Variants in TECPR2 observed in about 807,000 individuals in gnomAD.
The protein encoded by TECPR2 is tectonin beta-propeller repeat-containing protein 2.
In TECPR2, 65 loss-of-function variants were observed where a neutral mutation model predicts 138.1. The observed-to-expected ratio is 0.47, with a 90% CI of 0.39 to 0.58. The LOEUF (loss-of-function observed/expected upper bound fraction) is 0.58. TECPR2 is among the 20% of genes least tolerant of loss of function. The probability of loss-of-function intolerance (pLI) is 0.00; values close to 1 mark genes in which losing one functional copy is unlikely to be tolerated. For synonymous variants in TECPR2, 746 were observed against 749.8 expected, an observed-to-expected ratio of 0.99 and a Z score of 0.08; for missense variants, 1,553 against 1,824.5, an observed-to-expected ratio of 0.85 and a Z score of 2.71.
chr14:102,451,908 ACCCCCCGGCCC>A (rs1890153186), intron 15 of TECPR2, among the ~76,000 whole-genome samples: 1 of 150,650 alleles, frequency 6.6e-6, no homozygotes, highest in African/African-American at 2.4e-5. Flanking sequence ...CAGCTGCCCC[ACCCCCCGGCCC>A]CATCCCCAGA....
intron 2 of TECPR2, among the ~76,000 whole-genome samples, chr14:102,385,740 C>G (rs1297698043): frequency 1.3e-5 from 2 of 151,712 alleles, no homozygotes; most frequent in Middle Eastern, 3.2e-3. Flanking sequence ...TCGAGACTAG[C>G]CTTGGCAATA....
In TECPR2 at chr14:102,438,147, C is replaced by T. The variant is rs767431269; in HGVS notation, c.2520C>T (p.Ala840=). Residue 840 remains alanine (A), a synonymous_variant, in exon 10 of 20, where the codon GCC becomes GCT. Coordinates refer to ENST00000359520, the MANE Select transcript of TECPR2 (RefSeq NM_014844.5). ...GGLFCSALPG[A]GLRWQKFEDA... is the part of the protein sequence containing the mutation. ...TGTTCTGCAGCGCGTTGCCGGGCGCCGGGCTGCGCTGGCAGAAGTTTGAAG... is the reference window on the plus strand; with the variant it reads ...TGTTCTGCAGCGCGTTGCCGGGCGCTGGGCTGCGCTGGCAGAAGTTTGAAG... 34 of 1,613,528 alleles carry T rather than the reference C, an allele frequency of 2.1e-5. No individual in the cohort carries two copies. Among genetic ancestry groups the T allele is most frequent in the East Asian group, 1.8e-4 (8 of 44,888 alleles).
At chr14:102,390,240 T>C (rs1888130951) in intron 2 of TECPR2, among the ~76,000 whole-genome samples, 1 of 152,250 alleles carries the variant, frequency 6.6e-6, no homozygotes, top group East Asian at 1.9e-4. Context: ...GTTAGCTGAA[T>C]GCTATTGTAA....
At chr14:102,367,390 G>A (rs1249967657) in intron 1 of TECPR2, among the ~76,000 whole-genome samples, 1 of 151,996 alleles carries the variant, frequency 6.6e-6, no homozygotes, top group East Asian at 1.9e-4. Flanking sequence ...AGGAAACTCC[G>A]TACCCTTCAG....
chr14:102,483,112 A>G (rs1442223627), intron 17 of TECPR2, among the ~76,000 whole-genome samples: 1 of 151,838 alleles, frequency 6.6e-6, no homozygotes, highest in African/African-American at 2.4e-5. Context: ...CGGCCTCTCA[A>G]AGTGCTGGAA....
intron 17 of TECPR2, among the ~76,000 whole-genome samples, chr14:102,478,558 G>A (rs1385959958): frequency 2.0e-5 from 3 of 151,724 alleles, no homozygotes; most frequent in Non-Finnish European, 2.9e-5. Flanking sequence ...GCATGTGCCT[G>A]TAGTTCCAGC....
At chr14:102,400,805 G>A (rs572704658) in intron 2 of TECPR2, among the ~76,000 whole-genome samples, 63 of 152,056 alleles carry the variant, frequency 4.1e-4, no homozygotes, top group African/African-American at 1.3e-3. Flanking sequence ...AGGCCGAGGC[G>A]GGTGGATCAC....
intron 16 of TECPR2, among the ~76,000 whole-genome samples, chr14:102,456,146 C>A (rs751275669): frequency 6.6e-6 from 1 of 152,166 alleles, no homozygotes; most frequent in Non-Finnish European, 1.5e-5. Context: ...TTGGCCATCT[C>A]CGGGCGGTGT....
intron 8 of TECPR2, among the ~76,000 whole-genome samples, chr14:102,433,002 CAAA>C (rs567150393): frequency 7.7e-5 from 4 of 51,622 alleles, no homozygotes; most frequent in Admixed American, 6.6e-4. Flanking sequence ...GACTCCGTCT[CAAA>C]AAAAAAAAAA....
intron 2 of TECPR2, among the ~76,000 whole-genome samples, chr14:102,404,866 AC>A (rs935405321): frequency 7.3e-5 from 11 of 151,566 alleles, no homozygotes; most frequent in African/African-American, 2.7e-4. Context: ...GAGCCACCGT[AC>A]CTGGCCCAGT....
intron 10 of TECPR2, among the ~76,000 whole-genome samples, chr14:102,438,863 CTTT>C (rs1238082552): frequency 2.3e-5 from 3 of 128,602 alleles, no homozygotes; most frequent in Non-Finnish European, 1.7e-5. Context: ...TTCTTTCTTT[CTTT>C]TTTTTTTTTT....
At chr14:102,452,935 G>T (rs750536365) in intron 16 of TECPR2, among the ~76,000 whole-genome samples, 1 of 152,196 alleles carries the variant, frequency 6.6e-6, no homozygotes, top group Non-Finnish European at 1.5e-5. Flanking sequence ...CAGCTGCCCC[G>T]TCAGTCTTTC....
At chr14:102,370,146 A>G (rs1887463648) in intron 1 of TECPR2, among the ~76,000 whole-genome samples, 1 of 151,600 alleles carries the variant, frequency 6.6e-6, no homozygotes, top group Non-Finnish European at 1.5e-5. Flanking sequence ...ATCTTGGTTC[A>G]CTGGAACCTC....
Position 102,483,991 on chromosome 14 carries a change from T to G in TECPR2, c.3790-12988T>G, listed in dbSNP as rs1890962199. On this transcript the variant is annotated intron_variant, in intron 17 of 19. Transcript: ENST00000359520. ...CTTATATTTTCAGTAGAGACAAGGT[T>G]TCACCATGTTTGCCAGGCTGGTTTC... 1.7e-5 allele frequency among the ~76,000 whole-genome samples: 2 copies of G among 120,354 alleles called. 1 individual carries two copies. The highest frequency in any genetic ancestry group is 7.0e-5 in the African/African-American group (2 of 28,728). The allele number at this position is 120,354 out of a possible 152,430, so 79.0% of individuals were successfully genotyped here. A position where few individuals can be genotyped will look rare whatever the true frequency, so the allele number is the denominator to read the frequency against.
chr14:102,437,790 T>C (rs146919231), intron 9 of TECPR2, among the ~76,000 whole-genome samples: 1 of 152,238 alleles, frequency 6.6e-6, no homozygotes, highest in African/African-American at 2.4e-5. Context: ...GAAAATGTCA[T>C]CCAGGGACTC....
intron 1 of TECPR2, among the ~76,000 whole-genome samples, chr14:102,371,064 G>A (rs745599286): frequency 2.0e-5 from 3 of 152,206 alleles, no homozygotes; most frequent in Admixed American, 6.5e-5. Flanking sequence ...GAGAGGTTGA[G>A]CAGTTATTCC....
At chr14:102,421,498 C>T (rs1476041997) in intron 5 of TECPR2, among the ~76,000 whole-genome samples, 7 of 152,128 alleles carry the variant, frequency 4.6e-5, no homozygotes, top group South Asian at 2.1e-4. Flanking sequence ...GAAGAAACCC[C>T]GCAAATAACT....
At chr14:102,442,113 G>A (rs1198344039) in intron 11 of TECPR2, among the ~76,000 whole-genome samples, 1 of 152,128 alleles carries the variant, frequency 6.6e-6, no homozygotes, top group Non-Finnish European at 1.5e-5. Context: ...CGAGTAGCTG[G>A]GACTACAGGC....
At chr14:102,480,657 G>T (rs1322695281) in intron 17 of TECPR2, among the ~76,000 whole-genome samples, 2 of 152,018 alleles carry the variant, frequency 1.3e-5, no homozygotes, top group African/African-American at 2.4e-5. Flanking sequence ...ATGGCTAGGG[G>T]TATGCACCAT....
Sources: gnomAD v4.1 joint callset for allele counts (sites outside exome capture counted in the v4.1 genomes callset) on GRCh38, gnomAD v4.1.1 for gene constraint, MANE v1.5 for transcripts, NCBI Gene and HGNC (gene_info 2026-07-23, HGNC 2026-07-21) for gene names.